Variants in ADARB2 observed in about 807,000 individuals in gnomAD.
The protein encoded by ADARB2 is inactive double-stranded RNA-specific editase B2.
In ADARB2, 25 loss-of-function variants were observed where a neutral mutation model predicts 62.2. The ratio of observed to expected loss-of-function variants is 0.40; its 90% confidence interval spans 0.29 to 0.56. The LOEUF (loss-of-function observed/expected upper bound fraction) is 0.56, where lower values mean the gene tolerates loss of function less well. Among genes scored for constraint, ADARB2 ranks in the 20% least tolerant of loss-of-function variants. ADARB2 has a pLI of 0.43. For missense variants in ADARB2, 1,071 were observed against 1,077.4 expected (o/e 0.99, Z 0.08); for synonymous variants, 572 against 500.8 (o/e 1.14, Z -1.90).
chr10:1,357,729 T>C (rs757306416), intron 3 of ADARB2, among the ~76,000 whole-genome samples: 5 of 152,156 alleles, frequency 3.3e-5, no homozygotes, highest in Non-Finnish European at 5.9e-5. Flanking sequence ...TCTTAAATAA[T>C]TGAACCTGTA....
rs528731509 is a variant in ADARB2, at chr10:1,555,998, GA to G, written c.101-176839del. Among the ~76,000 whole-genome samples, 902 of 152,250 alleles carry G rather than the reference GA, an allele frequency of 5.9e-3. 5 individuals are homozygous for G. The highest frequency in any genetic ancestry group is 0.01 in the Middle Eastern group (3 of 294). On this transcript the variant is annotated intron_variant, in intron 1 of 9. Transcript: ENST00000381312. ...TTGTGCATGTTAATGAAAGAATGGGGAAACATTTGAACATAAGAAATTGTGT... is the reference window on the plus strand; with the variant it reads ...TTGTGCATGTTAATGAAAGAATGGGGAACATTTGAACATAAGAAATTGTGT...
chr10:1,179,739 TCTGAAG>T lies in ADARB2; in HGVS notation c.*3448_*3453del. 6.6e-6 allele frequency: 1 copy of T among 152,048 alleles called. No homozygotes were observed. Among genetic ancestry groups the T allele is most frequent in the Non-Finnish European group, 1.5e-5 (1 of 67,990 alleles). The allele number at this position is 152,048 out of a possible 1,614,324, so 9.4% of individuals were successfully genotyped here. A position where few individuals can be genotyped will look rare whatever the true frequency, so the allele number is the denominator to read the frequency against. On this transcript the variant is annotated 3_prime_UTR_variant, in exon 10 of 10. Coordinates refer to ENST00000381312, the MANE Select transcript of ADARB2 (RefSeq NM_018702.4). ...AGGCATGAATATAGACTACAGAAAA[TCTGAAG>T]CAAGGGTATGAATACAGACCACAGA... is the stretch of plus-strand genomic sequence containing the variant.
chr10:1,554,758 C>A (rs977069361), intron 1 of ADARB2, among the ~76,000 whole-genome samples: 2 of 152,148 alleles, frequency 1.3e-5, no homozygotes, highest in Non-Finnish European at 2.9e-5. Context: ...TTCAACTTTT[C>A]TTGTGGGTTC....
chr10:1,498,894 T>C (rs922359905), intron 1 of ADARB2, among the ~76,000 whole-genome samples: 1 of 152,028 alleles, frequency 6.6e-6, no homozygotes, highest in Non-Finnish European at 1.5e-5. Flanking sequence ...CATTCATCAC[T>C]CAACACTCAC....
intron 7 of ADARB2, among the ~76,000 whole-genome samples, chr10:1,205,979 G>GT (rs1837055427): frequency 6.6e-6 from 1 of 150,542 alleles, no homozygotes; most frequent in Non-Finnish European, 1.5e-5. Context: ...GGTCAGGTGG[G>GT]TGTCACGGGG....
At chr10:1,581,483 C>T (rs1171237833) in intron 1 of ADARB2, among the ~76,000 whole-genome samples, 1 of 152,228 alleles carries the variant, frequency 6.6e-6, no homozygotes, top group Non-Finnish European at 1.5e-5. Context: ...TCCTGAGTTC[C>T]CAGCCTGGCT....
At chr10:1,324,407 A>G (rs906119143) in intron 3 of ADARB2, among the ~76,000 whole-genome samples, 1 of 152,204 alleles carries the variant, frequency 6.6e-6, no homozygotes, top group African/African-American at 2.4e-5. Context: ...AGGGCATGGA[A>G]ATTTATGTTC....
Position 1,526,472 on chromosome 10 carries a change from T to A in ADARB2, c.101-147312A>T, listed in dbSNP as rs777923771. On this transcript the variant is annotated intron_variant, in intron 1 of 9. Coordinates refer to ENST00000381312, the MANE Select transcript of ADARB2 (RefSeq NM_018702.4). ...GGGTCAGGGGTGGATCCCTCACGAT[T>A]ATCTTGGTGCTGTCCTCCTGGTTAT... is the stretch of plus-strand genomic sequence containing the variant. Among the ~76,000 whole-genome samples the A allele has an allele frequency of 3.3e-4, 51 of 152,246 alleles. 1 individual carries two copies. The highest frequency in any genetic ancestry group is 6.8e-3 in the Middle Eastern group (2 of 294).
chr10:1,493,889 G>A (rs1831654614), intron 1 of ADARB2, among the ~76,000 whole-genome samples: 1 of 151,712 alleles, frequency 6.6e-6, no homozygotes. Flanking sequence ...CTCCTGAGCT[G>A]GGATTACAGG....
At chr10:1,698,679 C>G (rs976579598) in intron 1 of ADARB2, among the ~76,000 whole-genome samples, 1 of 152,030 alleles carries the variant, frequency 6.6e-6, no homozygotes, top group Non-Finnish European at 1.5e-5. Flanking sequence ...AAAGGTGGAG[C>G]AGAACATTCA....
intron 4 of ADARB2, among the ~76,000 whole-genome samples, chr10:1,256,904 T>C (rs1831084678): frequency 6.6e-6 from 1 of 152,168 alleles, no homozygotes; most frequent in South Asian, 2.1e-4. Context: ...AACGGTCTCT[T>C]CTCCTACCGA....
chr10:1,424,807 G>C (rs759951875), intron 1 of ADARB2, among the ~76,000 whole-genome samples: 3 of 152,192 alleles, frequency 2.0e-5, no homozygotes, highest in Non-Finnish European at 4.4e-5. Context: ...AGGACGATCT[G>C]TCATCCTGTC....
rs538706718 is a variant in ADARB2 at position 1,205,650 on chromosome 10, C to T, written c.1683-5503G>A. On this transcript the variant is annotated intron_variant, in intron 7 of 9. Transcript: ENST00000381312. ...CAGCCCCTTCCACCATGGGAGGACG[C>T]GGCACAGGGTGCCGTTACCACCTGG... Among the ~76,000 whole-genome samples the T allele has an allele frequency of 1.2e-4, 18 of 152,386 alleles. No homozygotes were observed. In the East Asian group the frequency reaches 1.9e-3, roughly 16 times the overall value.
intron 1 of ADARB2, among the ~76,000 whole-genome samples, chr10:1,608,885 TGCCG>T (rs1430287966): frequency 2.0e-5 from 3 of 151,962 alleles, no homozygotes; most frequent in East Asian, 1.9e-4. Flanking sequence ...CCCTCCGCAT[TGCCG>T]GCCCTCTGTC....
intron 1 of ADARB2, among the ~76,000 whole-genome samples, chr10:1,569,533 G>A (rs1048394054): frequency 3.3e-5 from 5 of 152,302 alleles, no homozygotes; most frequent in South Asian, 2.1e-4. Context: ...TTCTGACTCC[G>A]TCTATTTTTC....
intron 6 of ADARB2, among the ~76,000 whole-genome samples, chr10:1,220,378 GGTGGTGGTGATGATGGTGATT>G (rs1830683448): frequency 1.3e-5 from 2 of 151,842 alleles, no homozygotes; most frequent in Non-Finnish European, 2.9e-5. Context: ...TGATGGTGAT[GGTGGTGGTGATGATGGTGATT>G]GTGGTGGTGA....
At chr10:1,693,752 A>G (rs1019475513) in intron 1 of ADARB2, among the ~76,000 whole-genome samples, 1 of 152,262 alleles carries the variant, frequency 6.6e-6, no homozygotes, top group Non-Finnish European at 1.5e-5. Flanking sequence ...CAAACTAGAG[A>G]AAAGGTTAAA....
At chr10:1,329,730 TG>T (rs914749886) in intron 3 of ADARB2, among the ~76,000 whole-genome samples, 25 of 152,164 alleles carry the variant, frequency 1.6e-4, no homozygotes, top group African/African-American at 5.1e-4. Context: ...TGCCAGGCAC[TG>T]GTCCCTGATT....
At chr10:1,697,205 A>G (rs1834757514) in intron 1 of ADARB2, among the ~76,000 whole-genome samples, 5 of 152,088 alleles carry the variant, frequency 3.3e-5, no homozygotes, top group Admixed American at 3.3e-4. Context: ...CCACCCACAC[A>G]CCTAAACACA....
Sources: allele counts gnomAD v4.1 joint callset (sites outside exome capture counted in the v4.1 genomes callset), GRCh38; gene constraint gnomAD v4.1.1; transcripts MANE v1.5; gene names NCBI Gene and HGNC (gene_info 2026-07-23, HGNC 2026-07-21).